Variants in UBTD1 observed in about 807,000 individuals in gnomAD.
UBTD1 encodes the protein ubiquitin domain containing 1.
Under a neutral mutation model 21.7 loss-of-function variants are expected in UBTD1, and 19 were observed. That is an observed-to-expected ratio of 0.87 (90% CI 0.61 to 1.28). The LOEUF is 1.28. Ranked by LOEUF, UBTD1 falls within the 50% of genes most tolerant of loss-of-function variation. The probability of loss-of-function intolerance (pLI) is 0.00; values close to 1 mark genes in which losing one functional copy is unlikely to be tolerated. For missense variants in UBTD1, 282 were observed against 315.1 expected, an observed-to-expected ratio of 0.89 and a Z score of 0.80; for synonymous variants, 116 against 135.1, an observed-to-expected ratio of 0.86 and a Z score of 0.98.
At chr10:97,544,720 G>A (rs2040600916) in intron 1 of UBTD1, among the ~76,000 whole-genome samples, 1 of 152,244 alleles carries the variant, frequency 6.6e-6, no homozygotes, top group African/African-American at 2.4e-5. Flanking sequence ...GCCGGGGGCA[G>A]TGGCTCATGC....
chr10:97,529,532 C>T (rs1206480823), intron 1 of UBTD1, among the ~76,000 whole-genome samples: 1 of 152,120 alleles, frequency 6.6e-6, no homozygotes, highest in Non-Finnish European at 1.5e-5. Flanking sequence ...GAGGCCGAGG[C>T]TGGCGGATCA....
intron 1 of UBTD1, 57 bp from the exon 2 acceptor site, chr10:97,567,846 GAGGGGGAGGGC>G: frequency 6.7e-7 from 1 of 1,491,018 alleles, no homozygotes; most frequent in South Asian, 1.2e-5. Flanking sequence ...GAGGGGAGGG[GAGGGGGAGGGC>G]AGGTTGCAGC....
Position 97,570,646 on chromosome 10 carries a change from G to T in UBTD1, c.*123G>T, listed in dbSNP as rs553507287. 4 of 1,254,744 alleles carry T rather than the reference G, an allele frequency of 3.2e-6. No homozygotes were observed. The highest frequency in any genetic ancestry group is 2.6e-5 in the Admixed American group (1 of 39,208). The allele number at this position is 1,254,744 out of a possible 1,614,324, so 77.7% of individuals were successfully genotyped here. A position where few individuals can be genotyped will look rare whatever the true frequency, so the allele number is the denominator to read the frequency against. On this transcript the variant is annotated 3_prime_UTR_variant, in exon 3 of 3. Coordinates refer to ENST00000370664, the MANE Select transcript of UBTD1 (RefSeq NM_024954.5). The surrounding 1 kb of genome is among the most constrained non-coding windows in gnomAD (Gnocchi z 6.6). ...CCTCGGTGTGGCTGGTGGGTGAGCC[G>T]TGAAGGGACCCTGCCTTTCAGGGCA... is the stretch of plus-strand genomic sequence containing the variant.
At chr10:97,557,543 G>T (rs1363415607) in intron 1 of UBTD1, among the ~76,000 whole-genome samples, 1 of 152,162 alleles carries the variant, frequency 6.6e-6, no homozygotes, top group African/African-American at 2.4e-5. Flanking sequence ...ATTCTTGACA[G>T]ATATACTTAT....
intron 1 of UBTD1, among the ~76,000 whole-genome samples, chr10:97,560,057 A>G (rs1249197379): frequency 6.6e-6 from 1 of 152,036 alleles, no homozygotes; most frequent in African/African-American, 2.4e-5. Context: ...TAAATTTTTT[A>G]TAACATTTTT....
intron 1 of UBTD1, among the ~76,000 whole-genome samples, chr10:97,525,314 G>A (rs1589871897): frequency 6.6e-6 from 1 of 152,328 alleles, no homozygotes; most frequent in East Asian, 1.9e-4. Context: ...ACCGCAGATA[G>A]AGAGCTAAAA....
At chr10:97,533,471 C>T (rs1358504974) in intron 1 of UBTD1, among the ~76,000 whole-genome samples, 1 of 152,154 alleles carries the variant, frequency 6.6e-6, no homozygotes, top group Non-Finnish European at 1.5e-5. Flanking sequence ...TACGCCATAG[C>T]GGGTGGGAGA....
intron 1 of UBTD1, among the ~76,000 whole-genome samples, chr10:97,530,058 C>T (rs1279743200): frequency 1.3e-5 from 2 of 152,242 alleles, no homozygotes; most frequent in Non-Finnish European, 2.9e-5. Context: ...TATCACTCCC[C>T]TTGCATGTGT....
At chr10:97,538,937 C>T (rs963698440) in intron 1 of UBTD1, among the ~76,000 whole-genome samples, 4 of 152,150 alleles carry the variant, frequency 2.6e-5, no homozygotes, top group African/African-American at 9.7e-5. Flanking sequence ...AGAGCTGGAA[C>T]GGGCCCTGGG....
intron 1 of UBTD1, among the ~76,000 whole-genome samples, chr10:97,528,070 C>G (rs1394153366): frequency 1.5e-5 from 2 of 134,452 alleles, no homozygotes; most frequent in Admixed American, 7.1e-5. Flanking sequence ...GCTGGCTGGG[C>G]GGGGGGCTGA....
At chr10:97,539,351 T>C (rs2040577185) in intron 1 of UBTD1, among the ~76,000 whole-genome samples, 1 of 152,172 alleles carries the variant, frequency 6.6e-6, no homozygotes, top group Non-Finnish European at 1.5e-5. Context: ...CCCAGCCCTT[T>C]AGGAGGCTAA....
chr10:97,555,747 A>G (rs1446837783), intron 1 of UBTD1, among the ~76,000 whole-genome samples: 2 of 152,216 alleles, frequency 1.3e-5, no homozygotes, highest in Non-Finnish European at 2.9e-5. Flanking sequence ...AATGTCTGGA[A>G]TCTATGAATG....
At chr10:97,564,700 A>G (rs906816010) in intron 1 of UBTD1, among the ~76,000 whole-genome samples, 1 of 152,118 alleles carries the variant, frequency 6.6e-6, no homozygotes, top group African/African-American at 2.4e-5. Flanking sequence ...AGTAGCTGGG[A>G]TTACAGGTGC....
intron 1 of UBTD1, among the ~76,000 whole-genome samples, chr10:97,564,819 C>T (rs1372213539): frequency 6.6e-6 from 1 of 152,218 alleles, no homozygotes; most frequent in Non-Finnish European, 1.5e-5. Flanking sequence ...CCACCTTGGC[C>T]TCCCAAAGTG....
intron 1 of UBTD1, among the ~76,000 whole-genome samples, chr10:97,564,165 T>C (rs1201525393): frequency 6.6e-6 from 1 of 152,112 alleles, no homozygotes; most frequent in East Asian, 1.9e-4. Context: ...TGGCTGGGAA[T>C]CTGAAGTAGG....
chr10:97,501,777 G>T (rs963872645), intron 1 of UBTD1, among the ~76,000 whole-genome samples: 1 of 151,928 alleles, frequency 6.6e-6, no homozygotes. Flanking sequence ...CCTTCTTATC[G>T]AGAGTCTTTC....
At chr10:97,528,200 CG>C (rs2040501372) in intron 1 of UBTD1, among the ~76,000 whole-genome samples, 1 of 77,482 alleles carries the variant, frequency 1.3e-5, no homozygotes, top group African/African-American at 4.3e-5. Context: ...CCCTCCTGGA[CG>C]GGGCGGCTGG....
chr10:97,567,922 G>A lies in UBTD1; in HGVS notation c.79G>A (p.Glu27Lys), dbSNP rs1212506684. 6.2e-7 allele frequency: 1 copy of A among 1,614,040 alleles called. No homozygotes were observed. The highest frequency in any genetic ancestry group is 8.5e-7 in the Non-Finnish European group (1 of 1,180,046). The change falls in exon 2 of 3, where the codon GAG (glutamate) becomes AAG (lysine). Residue 27 changes from glutamate to lysine, a missense_variant. Glu to Lys is a moderately conservative substitution (Grantham distance 56). Transcript: ENST00000370664. Reference protein sequence around the residue: ...GHPRKRAGRNEPLKKERLKWK... With the variant: ...GHPRKRAGRNKPLKKERLKWK... ...CCTTCTGTCCTGCCCAGGACGCAATGAGCCCCTGAAGAAAGAGCGGCTTAA... is the reference window on the plus strand; with the variant it reads ...CCTTCTGTCCTGCCCAGGACGCAATAAGCCCCTGAAGAAAGAGCGGCTTAA...
chr10:97,565,867 C>G (rs902531100), intron 1 of UBTD1, among the ~76,000 whole-genome samples: 1 of 151,884 alleles, frequency 6.6e-6, no homozygotes, highest in Non-Finnish European at 1.5e-5. Context: ...TGCATGCCAC[C>G]ATGCCCGACT....
Sources: gnomAD v4.1 joint callset for allele counts (sites outside exome capture counted in the v4.1 genomes callset) on GRCh38, gnomAD v4.1.1 for gene constraint, Gnocchi (gnomAD v3.1) non-coding constraint, MANE v1.5 for transcripts, NCBI Gene and HGNC (gene_info 2026-07-23, HGNC 2026-07-21) for gene names.